PCDH9: variants seen among roughly 807,000 people sequenced by gnomAD.
PCDH9 encodes the protein protocadherin-9.
Under a neutral mutation model 70.6 loss-of-function variants are expected in PCDH9, and 24 were observed. That is an observed-to-expected ratio of 0.34 (90% CI 0.25 to 0.48). The LOEUF is 0.48. Ranked by LOEUF, PCDH9 falls within the 20% of genes least tolerant of loss-of-function variation. The pLI is 0.99. For missense variants in PCDH9, 1,281 were observed against 1,503.6 expected (o/e 0.85, Z 2.45); for synonymous variants, 562 against 558.5 (o/e 1.01, Z -0.09).
intron 3 of PCDH9, among the ~76,000 whole-genome samples, chr13:66,888,510 T>TA (rs1312592925): frequency 2.2e-5 from 3 of 138,372 alleles, no homozygotes; most frequent in Non-Finnish European, 4.8e-5. Flanking sequence ...AAAATATAAA[T>TA]AAAAAAATAA....
intron 2 of PCDH9, chr13:66,985,529 G>C (rs1490871722): frequency 6.6e-6 from 1 of 151,892 alleles, no homozygotes; most frequent in Non-Finnish European, 1.5e-5. Flanking sequence ...AACAAGCTTG[G>C]AATTGTCTTT....
intron 3 of PCDH9, among the ~76,000 whole-genome samples, chr13:66,894,830 C>G (rs1194678069): frequency 6.7e-6 from 1 of 148,828 alleles, no homozygotes; most frequent in East Asian, 2.0e-4. Context: ...TTTTTTTAGT[C>G]AAGGTCTTGC....
chr13:66,483,639 G>A (rs1342581406), intron 4 of PCDH9, among the ~76,000 whole-genome samples: 2 of 152,216 alleles, frequency 1.3e-5, no homozygotes, highest in African/African-American at 2.4e-5. Context: ...GCAGCACGGT[G>A]TTATTGATAT....
intron 4 of PCDH9, among the ~76,000 whole-genome samples, chr13:66,333,376 C>G (rs1387999593): frequency 6.6e-6 from 1 of 152,132 alleles, no homozygotes; most frequent in South Asian, 2.1e-4. Flanking sequence ...GGACTAGGCA[C>G]CCTGTATGAA....
chr13:66,810,157 G>A (rs1441677969), intron 3 of PCDH9, among the ~76,000 whole-genome samples: 1 of 152,078 alleles, frequency 6.6e-6, no homozygotes. Context: ...TATAATCATT[G>A]TATATTAGCC....
At chr13:66,734,685 T>C (rs1314461867) in intron 3 of PCDH9, among the ~76,000 whole-genome samples, 2 of 152,202 alleles carry the variant, frequency 1.3e-5, no homozygotes. Flanking sequence ...AATGTGTATG[T>C]GGTTAAATAA....
At chr13:67,135,024 A>T (rs1358732429) in intron 2 of PCDH9, among the ~76,000 whole-genome samples, 1 of 152,112 alleles carries the variant, frequency 6.6e-6, no homozygotes, top group Non-Finnish European at 1.5e-5. Context: ...TATCCAAATT[A>T]TTTCTGTATA....
chr13:66,914,828 T>C (rs566516325), intron 2 of PCDH9: 1 of 151,900 alleles, frequency 6.6e-6, no homozygotes, highest in East Asian at 1.9e-4. Flanking sequence ...TTCAGCAACA[T>C]ATATATGATT....
At chr13:66,338,199 T>C (rs1211460853) in intron 4 of PCDH9, among the ~76,000 whole-genome samples, 3 of 152,040 alleles carry the variant, frequency 2.0e-5, no homozygotes, top group Non-Finnish European at 4.4e-5. Context: ...AGAACATAGG[T>C]GTCCAATTAA....
intron 3 of PCDH9, among the ~76,000 whole-genome samples, chr13:66,678,201 T>A (rs1364486276): frequency 6.6e-6 from 1 of 152,110 alleles, no homozygotes; most frequent in Non-Finnish European, 1.5e-5. Flanking sequence ...GGCCTTAGCT[T>A]TCTCTTGGTT....
intron 4 of PCDH9, among the ~76,000 whole-genome samples, chr13:66,622,193 GGCTTGA>G (rs529987287): frequency 5.3e-5 from 8 of 152,364 alleles, no homozygotes; most frequent in Non-Finnish European, 8.8e-5. Flanking sequence ...TGCGGGACAG[GGCTTGA>G]GACCTGCAGC....
chr13:66,568,742 A>G (rs554120825), intron 4 of PCDH9, among the ~76,000 whole-genome samples: 3 of 152,018 alleles, frequency 2.0e-5, no homozygotes, highest in Non-Finnish European at 2.9e-5. Context: ...TTAACACTCA[A>G]TGTAAGTCAA....
chr13:66,337,332 G>T (rs926015895), intron 4 of PCDH9, among the ~76,000 whole-genome samples: 1 of 151,990 alleles, frequency 6.6e-6, no homozygotes, highest in South Asian at 2.1e-4. Context: ...GGTCTTTGGA[G>T]ATAAATGCAA....
intron 2 of PCDH9, among the ~76,000 whole-genome samples, chr13:66,981,638 TTAAC>T (rs1267058731): frequency 6.6e-6 from 1 of 152,000 alleles, no homozygotes; most frequent in Non-Finnish European, 1.5e-5. Context: ...AAGTATTTGA[TTAAC>T]TAATTATTTA....
chr13:67,197,414 T>C (rs1217706876), intron 2 of PCDH9, among the ~76,000 whole-genome samples: 1 of 152,006 alleles, frequency 6.6e-6, no homozygotes, highest in Non-Finnish European at 1.5e-5. Context: ...GAAAAGAATA[T>C]TAAATTCTTT....
At chr13:66,333,640 T>C (rs1226489008) in intron 4 of PCDH9, among the ~76,000 whole-genome samples, 2 of 152,214 alleles carry the variant, frequency 1.3e-5, no homozygotes, top group African/African-American at 4.8e-5. Context: ...CAGGAAAACT[T>C]AAGCAGACTT....
chr13:66,424,304 T>C (rs1163852993), intron 4 of PCDH9, among the ~76,000 whole-genome samples: 1 of 152,168 alleles, frequency 6.6e-6, no homozygotes, highest in Admixed American at 6.6e-5. Context: ...ATTGACTTTC[T>C]TCACATAATG....
intron 2 of PCDH9, among the ~76,000 whole-genome samples, chr13:67,032,782 A>G (rs1448245167): frequency 1.3e-5 from 2 of 152,178 alleles, no homozygotes; most frequent in African/African-American, 4.8e-5. Flanking sequence ...CACAAAATTG[A>G]TGCTGTTGCA....
At chr13:66,574,712 T>C (rs2076787718) in intron 4 of PCDH9, among the ~76,000 whole-genome samples, 1 of 152,206 alleles carries the variant, frequency 6.6e-6, no homozygotes, top group Admixed American at 6.5e-5. Context: ...GTGATTCTTA[T>C]AAAAGACATA....
Sources: allele counts gnomAD v4.1 joint callset (sites outside exome capture counted in the v4.1 genomes callset), GRCh38; gene constraint gnomAD v4.1.1; transcripts MANE v1.5; gene names NCBI Gene and HGNC (gene_info 2026-07-23, HGNC 2026-07-21).